IGF2: variants seen among roughly 807,000 people sequenced by gnomAD.
IGF2 encodes insulin-like growth factor 2.
IGF2 carries 2 observed loss-of-function variants against 12.0 expected under a neutral mutation model. The ratio of observed to expected loss-of-function variants is 0.17; its 90% confidence interval spans 0.07 to 0.52. IGF2 has a LOEUF of 0.52. Among genes scored for constraint, IGF2 ranks in the 20% least tolerant of loss-of-function variants. The probability of loss-of-function intolerance (pLI) is 0.95; values close to 1 mark genes in which losing one functional copy is unlikely to be tolerated. For synonymous variants in IGF2, 105 were observed against 110.1 expected (o/e 0.95, Z 0.29); for missense variants, 211 against 268.0 (o/e 0.79, Z 1.48).
upstream of IGF2, among the ~76,000 whole-genome samples, chr11:2,144,771 G>A (rs1859815178): frequency 6.6e-6 from 1 of 152,124 alleles, no homozygotes; most frequent in African/African-American, 2.4e-5. Context: ...CTGTGGGGTG[G>A]GTGGGGGTAC....
At chr11:2,137,164 T>C in intron 1 of IGF2, 1 of 904,588 alleles carries the variant, frequency 1.1e-6, no homozygotes, top group South Asian at 5.1e-5. Flanking sequence ...GCAGCGGGGG[T>C]CCTCACTCCA....
chr11:2,138,630 G>A lies in IGF2; in HGVS notation c.-408C>T. On this transcript the variant is annotated 5_prime_UTR_variant, in exon 1 of 4. Coordinates refer to ENST00000416167, the MANE Select transcript of IGF2 (RefSeq NM_000612.6). The stretch of plus-strand genomic sequence containing the variant: ...AGGCGGGCAGGCGCACAGCGGGAGA[G>A]AACAGCACGGAGAGAAACAGAAAGC... The A allele has an allele frequency of 1.0e-6, 1 of 978,372 alleles. No individual in the cohort carries two copies. The highest frequency in any genetic ancestry group is 1.2e-6 in the Non-Finnish European group (1 of 828,000). 60.6% of individuals were successfully genotyped at this position (978,372 alleles called of 1,614,324 possible). A position where few individuals can be genotyped will look rare whatever the true frequency, so the allele number is the denominator to read the frequency against.
rs1386061237 is a variant in IGF2, at chr11:2,138,786, G to T, written c.-564C>A. 3 of 953,500 alleles carry T rather than the reference G, an allele frequency of 3.1e-6. No homozygotes were observed. In the South Asian group the frequency reaches 1.5e-4, roughly 46 times the overall value. The allele number at this position is 953,500 out of a possible 1,614,324, so 59.1% of individuals were successfully genotyped here. A position where few individuals can be genotyped will look rare whatever the true frequency, so the allele number is the denominator to read the frequency against. On this transcript the variant is annotated 5_prime_UTR_variant, in exon 1 of 4. Transcript: ENST00000416167. Reference sequence around the variant, plus strand: ...GTTGCGGGAGAAAGAGCGGGGGCCGGGGCCAGACGCCAAGAGGGGCGCGGG... The same window carrying T: ...GTTGCGGGAGAAAGAGCGGGGGCCGTGGCCAGACGCCAAGAGGGGCGCGGG...
At chr11:2,139,914 C>T (rs1859438612), upstream of IGF2, among the ~76,000 whole-genome samples, 1 of 152,116 alleles carries the variant, frequency 6.6e-6, no homozygotes, top group Non-Finnish European at 1.5e-5. Flanking sequence ...GCGCAGCCGC[C>T]ACCTGCCCCA....
the IGF2 span, chr11:2,149,446 A>G: frequency 2.0e-6 from 2 of 1,007,058 alleles, no homozygotes; most frequent in Middle Eastern, 3.1e-4. Context: ...TCAAATGCCA[A>G]CTGAAATGAT....
At chr11:2,144,303 G>A (rs1859780655), upstream of IGF2, among the ~76,000 whole-genome samples, 1 of 152,104 alleles carries the variant, frequency 6.6e-6, no homozygotes, top group Non-Finnish European at 1.5e-5. Context: ...ACTCGCCTCC[G>A]CGCTGCGAGC....
chr11:2,149,157 C>T, the IGF2 span: 2 of 1,613,550 alleles, frequency 1.2e-6, no homozygotes, highest in South Asian at 1.1e-5. Context: ...GTCCCCGCAG[C>T]TCCTGGACAG....
At chr11:2,148,221 TAAG>T in the IGF2 span, 3 of 164,446 alleles carry the variant, frequency 1.8e-5, no homozygotes, top group African/African-American at 7.2e-5. The surrounding 1 kb of genome is among the most constrained non-coding windows in gnomAD (Gnocchi z 4.3). Flanking sequence ...TGGAAGGAGA[TAAG>T]GAGGGGGCCC....
rs1053276420 is a variant in IGF2 at position 2,130,265 on chromosome 11, C to T, written c.*2722G>A. ...CCTGAGGAGACCCTGCCCAACCCCC[C>T]CCTCCGCCCTCAGGACTTCTGGGGA... On this transcript the variant is annotated 3_prime_UTR_variant, in exon 4 of 4. Coordinates refer to ENST00000416167, the MANE Select transcript of IGF2 (RefSeq NM_000612.6). 1 of 230,462 alleles carries T rather than the reference C, an allele frequency of 4.3e-6. No homozygotes were observed. Among genetic ancestry groups the T allele is most frequent in the Non-Finnish European group, 8.6e-6 (1 of 116,456 alleles). The allele number at this position is 230,462 out of a possible 1,614,324, so 14.3% of individuals were successfully genotyped here.
At chr11:2,147,814 A>G in the IGF2 span, 4 of 1,245,946 alleles carry the variant, frequency 3.2e-6, no homozygotes, top group African/African-American at 6.2e-5. This position sits in a 1 kb window ranked among gnomAD's most constrained non-coding sequence, Gnocchi z 7.2. Flanking sequence ...GCCCCTGGGG[A>G]AAAACAAAAA....
chr11:2,136,621 C>T (rs763861746), intron 1 of IGF2, among the ~76,000 whole-genome samples: 11 of 152,228 alleles, frequency 7.2e-5, no homozygotes, highest in Admixed American at 5.9e-4. Flanking sequence ...GTTTTTGATG[C>T]AATAAATTAT....
chr11:2,132,954 T>C lies in IGF2; in HGVS notation c.*33A>G. 1 of 1,389,218 alleles carries C rather than the reference T, an allele frequency of 7.2e-7. No homozygotes were observed. The highest frequency in any genetic ancestry group is 9.7e-7 in the Non-Finnish European group (1 of 1,027,870). 86.1% of individuals were successfully genotyped at this position (1,389,218 alleles called of 1,614,324 possible). A position where few individuals can be genotyped will look rare whatever the true frequency, so the allele number is the denominator to read the frequency against. On this transcript the variant is annotated 3_prime_UTR_variant, in exon 4 of 4. Transcript: ENST00000416167. ...TGGTCAGGAGGAGGCTGCAGGATGG[T>C]GGCGCCGGGCTGCAGACTTGCGGCA...
rs1173936956 is a variant in IGF2, at chr11:2,133,818, C to G, written c.158-153G>C. 8 of 853,526 alleles carry G rather than the reference C, an allele frequency of 9.4e-6. No individual in the cohort carries two copies. Among genetic ancestry groups the G allele is most frequent in the Non-Finnish European group, 1.1e-5 (6 of 557,166 alleles). The allele number at this position is 853,526 out of a possible 1,614,324, so 52.9% of individuals were successfully genotyped here. A position where few individuals can be genotyped will look rare whatever the true frequency, so the allele number is the denominator to read the frequency against. On this transcript the variant is annotated intron_variant, in intron 2 of 3. Transcript: ENST00000416167. This position sits in a 1 kb window ranked among gnomAD's most constrained non-coding sequence, Gnocchi z 8.9. ...GTCAGGGGAGGGAAGTGAGAGCTGG[C>G]AGGCAGAGGCGTCCCAGGAAGAAGA...
chr11:2,138,451 G>C lies in IGF2; in HGVS notation c.-229C>G. On this transcript the variant is annotated 5_prime_UTR_variant, in exon 1 of 4. Transcript: ENST00000416167. ...GACGGGCTGTCTTCGGGCTGGGGCGGGCCAGATGTTGTACTTTTCGGGGGG... is the reference window on the plus strand; with the variant it reads ...GACGGGCTGTCTTCGGGCTGGGGCGCGCCAGATGTTGTACTTTTCGGGGGG... The C allele has an allele frequency of 1.1e-6, 1 of 898,174 alleles. No individual in the cohort carries two copies. Among genetic ancestry groups the C allele is most frequent in the Non-Finnish European group, 1.3e-6 (1 of 753,696 alleles). 55.6% of individuals were successfully genotyped at this position (898,174 alleles called of 1,614,324 possible).
upstream of IGF2, chr11:2,140,044 C>T (rs866239911): frequency 4.5e-6 from 6 of 1,319,918 alleles, no homozygotes; most frequent in African/African-American, 1.5e-5. Context: ...CCGGCTGCGC[C>T]GGGCCGAATC....
the IGF2 span, chr11:2,147,382 T>C: frequency 2.5e-6 from 1 of 393,634 alleles, no homozygotes; most frequent in Non-Finnish European, 4.5e-6. This position sits in a 1 kb window ranked among gnomAD's most constrained non-coding sequence, Gnocchi z 7.2. Flanking sequence ...CCACACCTGC[T>C]CTGGCCCCTA....
In IGF2 at chr11:2,135,527, T is replaced by A; in HGVS notation, c.-4A>T. The stretch of plus-strand genomic sequence containing the variant: ...ACTTCCCCATTGGGATTCCCATTGG[T>A]GTCTGGGGGCGGGAGAGAAGTGGCG... On this transcript the variant is annotated splice_region_variant and 5_prime_UTR_variant, in exon 2 of 4. Coordinates refer to ENST00000416167, the MANE Select transcript of IGF2 (RefSeq NM_000612.6). The A allele has an allele frequency of 6.2e-7, 1 of 1,612,560 alleles. No homozygotes were observed. The highest frequency in any genetic ancestry group is 2.2e-5 in the East Asian group (1 of 44,796).
At chr11:2,142,216 A>AAC (rs1411353037), upstream of IGF2, among the ~76,000 whole-genome samples, 3 of 151,872 alleles carry the variant, frequency 2.0e-5, no homozygotes, top group African/African-American at 7.3e-5. This position sits in a 1 kb window ranked among gnomAD's most constrained non-coding sequence, Gnocchi z 5.7. Flanking sequence ...TTAAAAAAAA[A>AAC]AAAACCTCAA....
chr11:2,135,499 T>G lies in IGF2; in HGVS notation c.25A>C (p.Met9Leu), dbSNP rs1294135404. The G allele has an allele frequency of 5.0e-6, 8 of 1,613,454 alleles. No homozygotes were observed. Among genetic ancestry groups the G allele is most frequent in the Non-Finnish European group, 6.8e-6 (8 of 1,179,856 alleles). Reference sequence around the variant, plus strand: ...GCCAAGAAGGTGAGAAGCACCAGCATCGACTTCCCCATTGGGATTCCCATT... The same window carrying G: ...GCCAAGAAGGTGAGAAGCACCAGCAGCGACTTCCCCATTGGGATTCCCATT... MGIPMGKSMLVLLTFLAFA... is the reference protein window; with the variant it reads MGIPMGKSLLVLLTFLAFA... The change falls in exon 2 of 4, where the codon ATG becomes CTG. Residue 9 changes from methionine to leucine, a missense_variant. Transcript: ENST00000416167.
Sources: gnomAD v4.1 joint callset for allele counts (sites outside exome capture counted in the v4.1 genomes callset) on GRCh38, gnomAD v4.1.1 for gene constraint, Gnocchi (gnomAD v3.1) non-coding constraint, MANE v1.5 for transcripts, NCBI Gene and HGNC (gene_info 2026-07-23, HGNC 2026-07-21) for gene names.